The following VOPP1 variants were observed in gnomAD, a reference collection of about 807,000 sequenced individuals.
VOPP1 encodes VOPP1 WW domain binding protein, also known as WW domain binding protein VOPP1.
In VOPP1, 8 loss-of-function variants were observed where a neutral mutation model predicts 23.5. The ratio of observed to expected loss-of-function variants is 0.34; its 90% CI spans 0.20 to 0.61. VOPP1 has a LOEUF of 0.61. Among genes scored for constraint, VOPP1 ranks in the 20% least tolerant of loss-of-function variants. The pLI is 0.78. For missense variants in VOPP1, 174 were observed against 238.1 expected, an observed-to-expected ratio of 0.73 and a Z score of 1.77; for synonymous variants, 83 against 97.3, an observed-to-expected ratio of 0.85 and a Z score of 0.86.
chr7:55,569,779 T>TCTC (rs1387947298), intron 1 of VOPP1, among the ~76,000 whole-genome samples: 1 of 152,054 alleles, frequency 6.6e-6, no homozygotes, highest in Non-Finnish European at 1.5e-5. Context: ...GGAAAGCACT[T>TCTC]CTCAAAACAG....
intron 2 of VOPP1, among the ~76,000 whole-genome samples, chr7:55,512,791 GCA>G (rs1237703677): frequency 2.6e-5 from 4 of 152,208 alleles, no homozygotes; most frequent in Non-Finnish European, 1.5e-5. Context: ...GCTGACTTCT[GCA>G]CAGAGGGGCC....
At chr7:55,557,599 C>A (rs1229221409) in intron 1 of VOPP1, among the ~76,000 whole-genome samples, 2 of 152,100 alleles carry the variant, frequency 1.3e-5, no homozygotes, top group African/African-American at 4.8e-5. Context: ...CAACCCCACC[C>A]AAAATGAGTG....
intron 4 of VOPP1, among the ~76,000 whole-genome samples, chr7:55,437,622 A>C (rs1432166124): frequency 6.6e-6 from 1 of 152,104 alleles, no homozygotes; most frequent in African/African-American, 2.4e-5. Context: ...CATGTCTTTC[A>C]ATTCTAGGAA....
chr7:55,468,382 C>A (rs536010574), downstream of VOPP1, among the ~76,000 whole-genome samples: 17 of 152,266 alleles, frequency 1.1e-4, no homozygotes, highest in Admixed American at 4.6e-4. Flanking sequence ...CTCTTCCCCT[C>A]TAAGTGGCCC....
intron 1 of VOPP1, among the ~76,000 whole-genome samples, chr7:55,531,291 A>C (rs888250093): frequency 6.6e-6 from 1 of 152,208 alleles, no homozygotes; most frequent in African/African-American, 2.4e-5. Flanking sequence ...GCTCAGTTCC[A>C]ACAAAAGCAA....
At chr7:55,546,015 C>T (rs1380233142) in intron 1 of VOPP1, among the ~76,000 whole-genome samples, 2 of 152,020 alleles carry the variant, frequency 1.3e-5, no homozygotes, top group East Asian at 3.9e-4. Context: ...TGCGATGAGC[C>T]GTGATTGCAC....
At chr7:55,562,061 A>C in intron 1 of VOPP1, 1 of 703,292 alleles carries the variant, frequency 1.4e-6, no homozygotes, top group Non-Finnish European at 2.6e-6. Context: ...TCTGTTAAAA[A>C]ATAAAGATGA....
chr7:55,453,094 G>C (rs1189845971), intron 4 of VOPP1, among the ~76,000 whole-genome samples: 2 of 152,224 alleles, frequency 1.3e-5, no homozygotes, highest in Non-Finnish European at 2.9e-5. Context: ...GTCTTAGCTA[G>C]ATCTTCTGCA....
At chr7:55,495,242 G>A (rs1236630008) in intron 3 of VOPP1, among the ~76,000 whole-genome samples, 3 of 152,092 alleles carry the variant, frequency 2.0e-5, no homozygotes, top group East Asian at 1.9e-4. Flanking sequence ...GGGTGCCATC[G>A]GTCCACCTTC....
chr7:55,566,035 G>C (rs1403666785), intron 1 of VOPP1, among the ~76,000 whole-genome samples: 1 of 152,146 alleles, frequency 6.6e-6, no homozygotes, highest in African/African-American at 2.4e-5. Context: ...ACAGCAAACA[G>C]GCCCTGCAGA....
intron 1 of VOPP1, among the ~76,000 whole-genome samples, chr7:55,562,510 T>C (rs576602743): frequency 2.6e-5 from 4 of 152,336 alleles, no homozygotes; most frequent in South Asian, 4.1e-4. Flanking sequence ...TTCAAGACTA[T>C]TGCAATAGGG....
At chr7:55,526,584 C>G (rs966703694) in intron 1 of VOPP1, among the ~76,000 whole-genome samples, 1 of 152,182 alleles carries the variant, frequency 6.6e-6, no homozygotes, top group Non-Finnish European at 1.5e-5. Context: ...AGGGAGTGGA[C>G]AGCAGGGTCA....
intron 1 of VOPP1, among the ~76,000 whole-genome samples, chr7:55,543,204 C>T (rs535523639): frequency 4.3e-4 from 66 of 152,266 alleles, no homozygotes; most frequent in South Asian, 4.2e-3. Flanking sequence ...CATGAGCCAC[C>T]GCACCCAGCC....
chr7:55,518,683 T>C (rs913857345), intron 2 of VOPP1, among the ~76,000 whole-genome samples: 1 of 152,234 alleles, frequency 6.6e-6, no homozygotes, highest in Non-Finnish European at 1.5e-5. Flanking sequence ...GGATGGCCGC[T>C]GTGTGCCAGG....
intron 1 of VOPP1, among the ~76,000 whole-genome samples, chr7:55,541,008 G>A (rs939996415): frequency 3.3e-5 from 5 of 152,016 alleles, no homozygotes; most frequent in South Asian, 2.1e-4. Flanking sequence ...AAAGTAAAAC[G>A]ACAACCCGCA....
intron 4 of VOPP1, among the ~76,000 whole-genome samples, chr7:55,439,139 G>C (rs182488487): frequency 1.3e-5 from 2 of 152,198 alleles, no homozygotes; most frequent in East Asian, 3.9e-4. Context: ...TTTGCTTATC[G>C]ATGTTATTTA....
intron 1 of VOPP1, 32 bp from the exon 2 acceptor site, chr7:55,521,162 T>C (rs1174911070): frequency 1.3e-6 from 2 of 1,554,252 alleles, no homozygotes; most frequent in Non-Finnish European, 1.7e-6. Flanking sequence ...AGTTTGTCAG[T>C]ACTCAGGAAT....
intron 1 of VOPP1, chr7:55,526,694 T>C (rs1412215203): frequency 1.3e-5 from 2 of 152,326 alleles, no homozygotes; most frequent in Admixed American, 6.5e-5. Context: ...GCAGACAAAC[T>C]TGCAAACCAG....
chr7:55,570,037 A>C (rs1465691128), intron 1 of VOPP1, among the ~76,000 whole-genome samples: 1 of 152,206 alleles, frequency 6.6e-6, no homozygotes, highest in African/African-American at 2.4e-5. Flanking sequence ...GGCAGTCAGA[A>C]GCCAGAAGCC....
Sources: allele counts gnomAD v4.1 joint callset (sites outside exome capture counted in the v4.1 genomes callset), GRCh38; gene constraint gnomAD v4.1.1; transcripts MANE v1.5; gene names NCBI Gene and HGNC (gene_info 2026-07-23, HGNC 2026-07-21).